Variants in CABYR observed in about 807,000 individuals in gnomAD.
CABYR encodes the protein calcium-binding tyrosine phosphorylation-regulated protein.
Under a neutral mutation model 36.1 loss-of-function variants are expected in CABYR, and 31 were observed. That is an observed-to-expected ratio of 0.86 (90% CI 0.64 to 1.16). CABYR has a LOEUF of 1.16. Ranked by LOEUF, CABYR falls within the 50% of genes most tolerant of loss-of-function variation. CABYR has a pLI of 0.00. For missense variants in CABYR, 429 were observed against 455.8 expected, an observed-to-expected ratio of 0.94 and a Z score of 0.53; for synonymous variants, 146 against 160.7, an observed-to-expected ratio of 0.91 and a Z score of 0.69.
At chr18:24,156,369 A>G (rs777723313) in intron 4 of CABYR, 2 of 1,614,090 alleles carry the variant, frequency 1.2e-6, no homozygotes, top group African/African-American at 1.3e-5. Context: ...GGTTATGTCA[A>G]CTGTTCATAT....
At chr18:24,142,194 C>A (rs2085339649) in intron 1 of CABYR, among the ~76,000 whole-genome samples, 1 of 151,946 alleles carries the variant, frequency 6.6e-6, no homozygotes, top group Non-Finnish European at 1.5e-5. Context: ...GTGGCCAGTA[C>A]CTGTAATCCC....
chr18:24,160,220 C>A, intron 5 of CABYR, 151 bp downstream of exon 5: 1 of 626,884 alleles, frequency 1.6e-6, no homozygotes, highest in East Asian at 2.7e-5. Context: ...CTGTCTCCAA[C>A]TTCCTAAACA....
At chr18:24,154,507 T>G (rs2085721961) in intron 3 of CABYR, among the ~76,000 whole-genome samples, 1 of 152,248 alleles carries the variant, frequency 6.6e-6, no homozygotes, top group Non-Finnish European at 1.5e-5. Context: ...GAATTAGAAA[T>G]CTTAATTGAA....
rs777251426 is a variant in CABYR at position 24,159,686 on chromosome 18, C to G, written c.756C>G (p.Thr252=). Residue 252 remains threonine, a synonymous_variant, in exon 5 of 6, where the codon ACC becomes ACG. Coordinates refer to ENST00000399496, the MANE Select transcript of CABYR (RefSeq NM_153769.3). ...VTFPTYVMGD[T]KKTSAPPFIL... ...TTCCAACTTATGTGATGGGCGACAC[C>G]AAGAAGACCAGTGCCCCACCTTTTA... 1 of 1,613,910 alleles carries G rather than the reference C, an allele frequency of 6.2e-7. No homozygotes were observed. The highest frequency in any genetic ancestry group is 1.3e-5 in the African/African-American group (1 of 74,836).
chr18:24,150,859 A>G (rs1210155076), intron 3 of CABYR, among the ~76,000 whole-genome samples: 1 of 150,520 alleles, frequency 6.6e-6, no homozygotes, highest in African/African-American at 2.5e-5. Context: ...AGCTCACTGC[A>G]AGCTCCGCCT....
At position 24,159,714 on chromosome 18, in the gene CABYR, TTAG is replaced by T; in HGVS notation, c.788_790del (p.Val263del). 6.2e-7 allele frequency: 1 copy of T among 1,614,034 alleles called. No homozygotes were observed. Among genetic ancestry groups the T allele is most frequent in the Non-Finnish European group, 8.5e-7 (1 of 1,180,002 alleles). On this transcript the variant is annotated inframe_deletion, in exon 5 of 6. Coordinates refer to ENST00000399496, the MANE Select transcript of CABYR (RefSeq NM_153769.3). ...GAAGACCAGTGCCCCACCTTTTATCTTAGTAGGCTCAAATGTTCAGGAAGCACA... is the reference window on the plus strand; with the variant it reads ...GAAGACCAGTGCCCCACCTTTTATCTTAGGCTCAAATGTTCAGGAAGCACA...
chr18:24,161,342 C>CTGTT (rs2085977268), intron 5 of CABYR, among the ~76,000 whole-genome samples, 174 bp from the exon 6 acceptor site: 1 of 152,182 alleles, frequency 6.6e-6, no homozygotes, highest in Non-Finnish European at 1.5e-5. Flanking sequence ...GCCAAAATGG[C>CTGTT]TGTTTTCAGC....
intron 5 of CABYR, among the ~76,000 whole-genome samples, chr18:24,161,095 G>A (rs1474207532): frequency 6.6e-6 from 1 of 152,318 alleles, no homozygotes; most frequent in African/African-American, 2.4e-5. Flanking sequence ...GCAGTAAGGG[G>A]GAGGTCAACA....
chr18:24,141,772 C>CT (rs914906017), intron 1 of CABYR, among the ~76,000 whole-genome samples: 2 of 152,078 alleles, frequency 1.3e-5, no homozygotes, highest in Non-Finnish European at 2.9e-5. Context: ...CTCTGCAACT[C>CT]TGAGAATTAC....
At chr18:24,159,444 T>G (rs2085886918) in intron 4 of CABYR, 28 bp from the exon 5 acceptor site, 1 of 1,574,034 alleles carries the variant, frequency 6.4e-7, no homozygotes, top group East Asian at 2.2e-5. Flanking sequence ...GACCAAAACT[T>G]TAATTCCTGC....
chr18:24,155,911 TTGG>T lies in CABYR; in HGVS notation c.415_417del (p.Gly139del), dbSNP rs1167550814. On this transcript the variant is annotated inframe_deletion, in exon 4 of 6. Coordinates refer to ENST00000399496, the MANE Select transcript of CABYR (RefSeq NM_153769.3). The stretch of plus-strand genomic sequence containing the variant: ...CCAGGCACTGAGCAAACGGAAGCAG[TTGG>T]TGGTCTTTCTTCCAAACCAGCCACC... 1 of 1,614,072 alleles carries T rather than the reference TTGG, an allele frequency of 6.2e-7. No individual in the cohort carries two copies.
chr18:24,150,793 TTTTTTGAGACGG>T (rs1437515613), intron 3 of CABYR, among the ~76,000 whole-genome samples: 2 of 150,014 alleles, frequency 1.3e-5, no homozygotes, highest in Non-Finnish European at 3.0e-5. Flanking sequence ...GTTTTTTTTT[TTTTTTGAGACGG>T]AGTCTCACTC....
Position 24,160,111 on chromosome 18 carries a change from C to G in CABYR, c.1139+42C>G, listed in dbSNP as rs764166565. ...ACCATAATATTTAGGCCTTAACACA[C>G]GCGCGTTTTAAGCATTTTGATTTCT... On this transcript the variant is annotated intron_variant, in intron 5 of 5. Transcript: ENST00000399496. The G allele has an allele frequency of 1.1e-5, 15 of 1,325,682 alleles. No individual in the cohort carries two copies. The African/African-American group carries it at 2.2e-4, about 20-fold the overall frequency. 82.1% of individuals were successfully genotyped at this position (1,325,682 alleles called of 1,614,324 possible). A position where few individuals can be genotyped will look rare whatever the true frequency, so the allele number is the denominator to read the frequency against.
chr18:24,159,825 G>A lies in CABYR; in HGVS notation c.895G>A (p.Val299Ile). The A allele has an allele frequency of 6.2e-7, 1 of 1,614,144 alleles. No individual in the cohort carries two copies. Among genetic ancestry groups the A allele is most frequent in the Non-Finnish European group, 8.5e-7 (1 of 1,180,002 alleles). ...RYVAMQVPIAVPADEKYQKHT... is the reference protein window; with the variant it reads ...RYVAMQVPIAIPADEKYQKHT... ...TGTTGCAATGCAAGTGCCCATTGCT[G>A]TTCCTGCAGATGAGAAATACCAGAA... The change falls in exon 5 of 6, where the codon GTT becomes ATT. Residue 299 changes from valine to isoleucine, a missense_variant. Coordinates refer to ENST00000399496, the MANE Select transcript of CABYR (RefSeq NM_153769.3).
Position 24,156,274 on chromosome 18 carries a change from C to G in CABYR, c.541+232C>G, listed in dbSNP as rs746664829. ...AAAGAAAATGAGGCTGAACCATCAA[C>G]GGCTTCCTCAGTCCCCTTGCAGGAT... On this transcript the variant is annotated intron_variant, in intron 4 of 5. Transcript: ENST00000399496. The G allele has an allele frequency of 1.9e-6, 3 of 1,614,042 alleles. No individual in the cohort carries two copies. In the Admixed American group the frequency reaches 5.0e-5, roughly 27 times the overall value.
chr18:24,147,020 G>A (rs2085476567), intron 3 of CABYR, among the ~76,000 whole-genome samples: 1 of 152,134 alleles, frequency 6.6e-6, no homozygotes, highest in African/African-American at 2.4e-5. Flanking sequence ...GCAGGGGCAT[G>A]GTGGTTCATG....
intron 3 of CABYR, chr18:24,150,505 A>C (rs2085592940): frequency 1.5e-6 from 1 of 677,434 alleles, no homozygotes; most frequent in Non-Finnish European, 1.8e-6. Context: ...AATCAGAATG[A>C]GATCTTTAGG....
rs776480933 is a variant in CABYR at position 24,155,828 on chromosome 18, T to C, written c.327T>C (p.Asn109=). ...MEKSTDTDED[N]VTRTEYSDKT... Reference sequence around the variant, plus strand: ...AATCTACAGACACAGACGAGGACAATGTAACCAGAACAGAATATAGTGACA... The same window carrying C: ...AATCTACAGACACAGACGAGGACAACGTAACCAGAACAGAATATAGTGACA... The change falls in exon 4 of 6, where the codon AAT becomes AAC. Residue 109 remains asparagine, a synonymous_variant. Transcript: ENST00000399496. 3.1e-6 allele frequency: 5 copies of C among 1,613,960 alleles called. No homozygotes were observed. The highest frequency in any genetic ancestry group is 4.2e-6 in the Non-Finnish European group (5 of 1,180,010).
At chr18:24,156,858 G>A in intron 4 of CABYR, 2 of 1,614,112 alleles carry the variant, frequency 1.2e-6, no homozygotes, top group Non-Finnish European at 1.7e-6. Flanking sequence ...TGTGCTCTCT[G>A]GGGAAGCTGC....
Sources: gnomAD v4.1 joint callset for allele counts (sites outside exome capture counted in the v4.1 genomes callset) on GRCh38, gnomAD v4.1.1 for gene constraint, MANE v1.5 for transcripts, NCBI Gene and HGNC (gene_info 2026-07-23, HGNC 2026-07-21) for gene names.